The following CNTN5 variants were observed in gnomAD, a reference collection of about 807,000 sequenced individuals.
CNTN5 encodes contactin 5.
Under a neutral mutation model 129.1 loss-of-function variants are expected in CNTN5, and 77 were observed. The observed-to-expected ratio is 0.60, with a 90% CI of 0.50 to 0.72. The LOEUF (loss-of-function observed/expected upper bound fraction) is 0.72. CNTN5 is among the 30% of genes least tolerant of loss of function. The probability of loss-of-function intolerance (pLI) is 0.00; values close to 1 mark genes in which losing one functional copy is unlikely to be tolerated. For missense variants in CNTN5, 1,478 were observed against 1,328.8 expected, an observed-to-expected ratio of 1.11 and a Z score of -1.75; for synonymous variants, 509 against 465.6, an observed-to-expected ratio of 1.09 and a Z score of -1.20.
At chr11:99,637,892 C>T (rs1178592103) in intron 3 of CNTN5, among the ~76,000 whole-genome samples, 1 of 152,066 alleles carries the variant, frequency 6.6e-6, no homozygotes, top group East Asian at 1.9e-4. Context: ...TTCAGCATTT[C>T]CTCTCTTTAG....
chr11:99,413,866 T>C (rs1942513953), intron 2 of CNTN5, among the ~76,000 whole-genome samples: 1 of 152,208 alleles, frequency 6.6e-6, no homozygotes, highest in Non-Finnish European at 1.5e-5. Context: ...TCTCAACTAT[T>C]CTGCCAAAAC....
chr11:100,169,227 A>T (rs1460136214), intron 13 of CNTN5, among the ~76,000 whole-genome samples: 1 of 151,864 alleles, frequency 6.6e-6, no homozygotes, highest in Admixed American at 6.6e-5. Context: ...AAGAGGGTTG[A>T]CTCCTATTTT....
At chr11:99,816,753 C>T (rs750140504) in intron 3 of CNTN5, among the ~76,000 whole-genome samples, 1 of 152,160 alleles carries the variant, frequency 6.6e-6, no homozygotes, top group Non-Finnish European at 1.5e-5. Flanking sequence ...ACATGACATG[C>T]TAGACGTTTC....
chr11:99,409,994 T>G (rs374680555), intron 2 of CNTN5, among the ~76,000 whole-genome samples: 122 of 152,348 alleles, frequency 8.0e-4, no homozygotes, highest in African/African-American at 2.7e-3. Context: ...GGTTATTCAT[T>G]TATCCAACAT....
At chr11:99,160,780 A>G (rs1046885563) in intron 1 of CNTN5, among the ~76,000 whole-genome samples, 8 of 152,188 alleles carry the variant, frequency 5.3e-5, no homozygotes, top group African/African-American at 1.9e-4. Context: ...CAAGGAGTTC[A>G]AAATACAGTG....
chr11:99,827,982 AC>A (rs1458730108), intron 4 of CNTN5, among the ~76,000 whole-genome samples: 2 of 151,670 alleles, frequency 1.3e-5, no homozygotes, highest in Non-Finnish European at 2.9e-5. Flanking sequence ...TTGGCCATCT[AC>A]TGTGTGCAAG....
chr11:99,732,021 A>G (rs1182304815), intron 3 of CNTN5, among the ~76,000 whole-genome samples: 1 of 152,238 alleles, frequency 6.6e-6, no homozygotes, highest in East Asian at 1.9e-4. Context: ...TAATGTCAGC[A>G]TAGTCTTTGT....
intron 3 of CNTN5, among the ~76,000 whole-genome samples, chr11:99,620,847 G>A (rs1282216025): frequency 6.6e-6 from 1 of 152,086 alleles, no homozygotes; most frequent in Non-Finnish European, 1.5e-5. Context: ...TCATCAAAGA[G>A]TTGAAAGTAA....
intron 9 of CNTN5, among the ~76,000 whole-genome samples, chr11:100,038,380 A>G (rs2137658707): frequency 6.6e-6 from 1 of 152,276 alleles, no homozygotes; most frequent in East Asian, 1.9e-4. Flanking sequence ...GGAGTGCTTT[A>G]CTTCCAACTA....
At chr11:100,184,888 A>C (rs927191937) in intron 13 of CNTN5, among the ~76,000 whole-genome samples, 12 of 152,052 alleles carry the variant, frequency 7.9e-5, no homozygotes, top group Admixed American at 7.2e-4. Context: ...CATGTTGAAG[A>C]AGGGACCCAG....
At chr11:99,522,496 T>A (rs985556081) in intron 2 of CNTN5, among the ~76,000 whole-genome samples, 1 of 152,136 alleles carries the variant, frequency 6.6e-6, no homozygotes, top group African/African-American at 2.4e-5. Context: ...GAAAGTTTTA[T>A]CCATATTTAC....
At chr11:99,754,239 A>G (rs1187855005) in intron 3 of CNTN5, among the ~76,000 whole-genome samples, 2 of 152,196 alleles carry the variant, frequency 1.3e-5, no homozygotes, top group Non-Finnish European at 2.9e-5. Flanking sequence ...AGATGAGAGT[A>G]AAGATGGAGA....
intron 13 of CNTN5, among the ~76,000 whole-genome samples, chr11:100,177,222 A>G (rs1002759670): frequency 6.6e-6 from 1 of 152,128 alleles, no homozygotes; most frequent in Non-Finnish European, 1.5e-5. Context: ...CAGGAAAAAG[A>G]TAAGGCTAAC....
chr11:99,379,731 T>C lies in CNTN5; in HGVS notation c.-71+54247T>C, dbSNP rs567182674. ...TTTATGCATTCTATAATTCAGCTCA[T>C]GGCCCCTCCAGTGGGGCAGAGATCC... On this transcript the variant is annotated intron_variant, in intron 2 of 24. Transcript: ENST00000524871. Among the ~76,000 whole-genome samples, 26 of 152,284 alleles carry C rather than the reference T, an allele frequency of 1.7e-4. 1 individual carries two copies. The South Asian group carries it at 5.4e-3, about 32-fold the overall frequency.
chr11:99,595,253 T>C (rs1214597977), intron 3 of CNTN5, among the ~76,000 whole-genome samples: 7 of 152,204 alleles, frequency 4.6e-5, no homozygotes, highest in Admixed American at 4.6e-4. Context: ...AAGTGATTGA[T>C]ATGGTAATTA....
chr11:100,350,782 T>C lies in CNTN5; in HGVS notation c.3111T>C (p.Asp1037=), dbSNP rs944407785. 1.2e-6 allele frequency: 2 copies of C among 1,609,376 alleles called. No homozygotes were observed. Among genetic ancestry groups the C allele is most frequent in the East Asian group, 4.5e-5 (2 of 44,782 alleles). ...TTCAAGCAGTAGTACCACTCCCAGATGCTGGAGTCTATATTATTGAAGTTC... is the reference window on the plus strand; with the variant it reads ...TTCAAGCAGTAGTACCACTCCCAGACGCTGGAGTCTATATTATTGAAGTTC... ...QKLQAVVPLP[D]AGVYIIEVRA... is the part of the protein sequence containing the mutation. Residue 1037 remains aspartate (D), a synonymous_variant, in exon 24 of 25, where the codon GAT becomes GAC. Transcript: ENST00000524871.
At chr11:99,161,159 T>C (rs1156721214) in intron 1 of CNTN5, among the ~76,000 whole-genome samples, 4 of 152,150 alleles carry the variant, frequency 2.6e-5, no homozygotes, top group Admixed American at 2.0e-4. Flanking sequence ...ATTTAGTTAA[T>C]ATTTGTTTGC....
chr11:100,037,948 T>G (rs1942126335), intron 9 of CNTN5, among the ~76,000 whole-genome samples: 2 of 152,168 alleles, frequency 1.3e-5, no homozygotes, highest in Admixed American at 1.3e-4. Flanking sequence ...TTTTGAAGGG[T>G]TTTTGTGTCT....
chr11:100,043,367 T>G (rs989650296), intron 9 of CNTN5, among the ~76,000 whole-genome samples: 2 of 152,188 alleles, frequency 1.3e-5, no homozygotes, highest in Admixed American at 1.3e-4. Flanking sequence ...CAAACAAGTT[T>G]ATAGCCACTC....
Sources: allele counts gnomAD v4.1 joint callset (sites outside exome capture counted in the v4.1 genomes callset), GRCh38; gene constraint gnomAD v4.1.1; transcripts MANE v1.5; gene names NCBI Gene and HGNC (gene_info 2026-07-23, HGNC 2026-07-21).